TMEM164: variants seen among roughly 807,000 people sequenced by gnomAD.
The protein encoded by TMEM164 is transmembrane protein 164, also known as RP13-360B22.2.
TMEM164 carries 4 observed loss-of-function variants against 18.8 expected under a neutral mutation model. The observed-to-expected ratio is 0.21, with a 90% CI of 0.10 to 0.49. TMEM164 has a LOEUF of 0.49. TMEM164 is among the 20% of genes least tolerant of loss of function. The pLI is 0.98. For missense variants in TMEM164, 108 were observed against 239.9 expected (o/e 0.45, Z 3.63); for synonymous variants, 86 against 101.7 (o/e 0.85, Z 0.93).
chrX:110,050,434 T>C (rs1935507744), intron 2 of TMEM164, among the ~76,000 whole-genome samples: 1 of 111,938 alleles, frequency 8.9e-6, no homozygotes, highest in Admixed American at 9.5e-5. Flanking sequence ...TTTTCATTTA[T>C]GCCTCATCAT....
At chrX:110,021,537 G>C (rs942261080) in intron 2 of TMEM164, among the ~76,000 whole-genome samples, 3 of 111,581 alleles carry the variant, frequency 2.7e-5, no homozygotes, top group Non-Finnish European at 5.7e-5. Flanking sequence ...GTGTGTGTGT[G>C]TCAGACAGTC....
At chrX:110,133,504 A>G (rs1478422568) in intron 4 of TMEM164, among the ~76,000 whole-genome samples, 3 of 111,807 alleles carry the variant, frequency 2.7e-5, no homozygotes, top group African/African-American at 9.8e-5. Flanking sequence ...ACCCACCCAT[A>G]TGACCTCATT....
chrX:110,148,025 T>A (rs2066882995), intron 5 of TMEM164, among the ~76,000 whole-genome samples: 1 of 110,800 alleles, frequency 9.0e-6, no homozygotes. Context: ...CTTTTCAGTG[T>A]GCCCAGTCTT....
chrX:110,080,965 G>A (rs1156443050), intron 3 of TMEM164, among the ~76,000 whole-genome samples: 1 of 100,326 alleles, frequency 1.0e-5, no homozygotes, highest in African/African-American at 4.0e-5. Flanking sequence ...GAAACTTCTG[G>A]CCTCAAGTGA....
chrX:110,095,876 C>A (rs2066009493), intron 3 of TMEM164, among the ~76,000 whole-genome samples: 1 of 112,290 alleles, frequency 8.9e-6, no homozygotes, highest in Non-Finnish European at 1.9e-5. Flanking sequence ...GTGTTGATGT[C>A]CTTTCTGTTT....
chrX:110,095,352 A>G (rs1241583399), intron 3 of TMEM164, among the ~76,000 whole-genome samples: 1 of 111,632 alleles, frequency 9.0e-6, no homozygotes, highest in Non-Finnish European at 1.9e-5. Context: ...ACATAGTCCC[A>G]TATTTCTTGG....
chrX:110,138,968 T>C (rs1000127287), intron 4 of TMEM164, among the ~76,000 whole-genome samples: 3 of 111,644 alleles, frequency 2.7e-5, no homozygotes, highest in African/African-American at 9.8e-5. Flanking sequence ...GAAAATGTGA[T>C]TGAATTGGAT....
At position 110,174,833 on chromosome X, in the gene TMEM164, C is replaced by A. The variant is rs191322352; in HGVS notation, c.*1382C>A. ...AGATTTGCTTAAGAACAGAAAAGCT[C>A]ATTTGGTGATTTTGTCTGATGAGCC... On this transcript the variant is annotated 3_prime_UTR_variant, in exon 7 of 7. Transcript: ENST00000372068. The A allele has an allele frequency of 8.9e-6, 1 of 112,037 alleles. No individual in the cohort carries two copies. Among genetic ancestry groups the A allele is most frequent in the Non-Finnish European group, 1.9e-5 (1 of 53,128 alleles). The allele number at this position is 112,037 out of a possible 1,213,427, so 9.2% of individuals were successfully genotyped here. A position where few individuals can be genotyped will look rare whatever the true frequency, so the allele number is the denominator to read the frequency against.
At chrX:110,109,371 A>T (rs1459183676) in intron 4 of TMEM164, among the ~76,000 whole-genome samples, 1 of 111,695 alleles carries the variant, frequency 9.0e-6, no homozygotes, top group Non-Finnish European at 1.9e-5. Context: ...TACAAAAATT[A>T]GCCAAGCATG....
intron 3 of TMEM164, among the ~76,000 whole-genome samples, chrX:110,069,484 T>G (rs1194392706): frequency 1.8e-5 from 2 of 111,681 alleles, no homozygotes; most frequent in Admixed American, 9.5e-5. Flanking sequence ...TTTTCTAATT[T>G]CTAAGACCTC....
At chrX:110,080,089 T>A (rs2065730581) in intron 3 of TMEM164, among the ~76,000 whole-genome samples, 1 of 111,838 alleles carries the variant, frequency 8.9e-6, no homozygotes, top group Non-Finnish European at 1.9e-5. Context: ...CCACCCAAGC[T>A]TCACTATAAA....
At chrX:110,004,370 G>A (rs1056683869) in intron 2 of TMEM164, among the ~76,000 whole-genome samples, 2 of 111,304 alleles carry the variant, frequency 1.8e-5, no homozygotes, top group Non-Finnish European at 3.8e-5. Flanking sequence ...TGGAGGTGAG[G>A]AACCTTGTGC....
intron 2 of TMEM164, among the ~76,000 whole-genome samples, chrX:110,024,140 T>A (rs1456882222): frequency 8.9e-6 from 1 of 112,809 alleles, no homozygotes; most frequent in Non-Finnish European, 1.9e-5. Flanking sequence ...GTGGAGAGAA[T>A]ACATAGTTCA....
Position 110,177,153 on chromosome X carries a change from A to G in TMEM164, c.*3702A>G, listed in dbSNP as rs896807379. 8.9e-6 allele frequency: 1 copy of G among 112,983 alleles called. No individual in the cohort carries two copies. Among genetic ancestry groups the G allele is most frequent in the Non-Finnish European group, 1.9e-5 (1 of 53,371 alleles). The allele number at this position is 112,983 out of a possible 1,213,427, so 9.3% of individuals were successfully genotyped here. ...GTTTGCTACTCATGGCAAGAAACAG[A>G]CAAAGCCCCATGAAAAATAAAACAA... On this transcript the variant is annotated 3_prime_UTR_variant, in exon 7 of 7. Coordinates refer to ENST00000372068, the MANE Select transcript of TMEM164 (RefSeq NM_032227.4).
chrX:110,123,952 A>AT (rs1352984916), intron 4 of TMEM164, among the ~76,000 whole-genome samples: 1 of 110,950 alleles, frequency 9.0e-6, no homozygotes, highest in Non-Finnish European at 1.9e-5. Flanking sequence ...CTCTACCAAA[A>AT]TTTTTTTTAA....
intron 4 of TMEM164, among the ~76,000 whole-genome samples, chrX:110,139,913 A>G (rs1483120189): frequency 1.8e-5 from 2 of 111,082 alleles, no homozygotes; most frequent in African/African-American, 6.6e-5. Context: ...GTGGCTGGAT[A>G]GTAGGGTGCA....
At chrX:110,124,469 T>C (rs965126798) in intron 4 of TMEM164, among the ~76,000 whole-genome samples, 4 of 110,837 alleles carry the variant, frequency 3.6e-5, no homozygotes, top group Non-Finnish European at 7.6e-5. Flanking sequence ...TGGAGTGAAC[T>C]GAGACTTTAG....
chrX:110,118,772 A>G (rs775429696), intron 4 of TMEM164, among the ~76,000 whole-genome samples: 3 of 111,283 alleles, frequency 2.7e-5, no homozygotes, highest in Non-Finnish European at 3.8e-5. Flanking sequence ...ATTGTAGAGC[A>G]TGGATAGAGA....
chrX:110,046,913 C>A (rs1395363238), intron 2 of TMEM164, among the ~76,000 whole-genome samples: 1 of 112,226 alleles, frequency 8.9e-6, no homozygotes, highest in East Asian at 2.8e-4. Context: ...ATGCTGATTC[C>A]TTCCACCTTG....
Sources: gnomAD v4.1 joint callset for allele counts (sites outside exome capture counted in the v4.1 genomes callset) on GRCh38, gnomAD v4.1.1 for gene constraint, MANE v1.5 for transcripts, NCBI Gene and HGNC (gene_info 2026-07-23, HGNC 2026-07-21) for gene names.